Variants in ZNF107 observed in about 807,000 individuals in gnomAD.
ZNF107 encodes C2H2 type zinc-finger protein.
A neutral mutation model predicts 12.3 loss-of-function variants in ZNF107; 19 were observed. The ratio of observed to expected loss-of-function variants is 1.55; its 90% CI spans 1.08 to 2.27. ZNF107 has a LOEUF of 2.27. ZNF107 is among the 30% of genes most tolerant of loss of function. The probability of loss-of-function intolerance (pLI) is 0.00; values close to 1 mark genes in which losing one functional copy is unlikely to be tolerated. For synonymous variants in ZNF107, 317 were observed against 330.5 expected, an observed-to-expected ratio of 0.96 and a Z score of 0.44; for missense variants, 958 against 979.9, an observed-to-expected ratio of 0.98 and a Z score of 0.30.
At chr7:64,667,951 CAA>C (rs56005729) in intron 1 of ZNF107, among the ~76,000 whole-genome samples, 2 of 138,884 alleles carry the variant, frequency 1.4e-5, no homozygotes, top group Admixed American at 7.1e-5. Flanking sequence ...TTCCAGAAGA[CAA>C]AAAAAAAAAA....
chr7:64,676,424 C>A (rs1325671846), intron 1 of ZNF107, among the ~76,000 whole-genome samples: 2 of 152,158 alleles, frequency 1.3e-5, no homozygotes. Flanking sequence ...GTCCTGATAT[C>A]TTTGTTAATT....
chr7:64,669,949 G>C (rs1235238659), intron 1 of ZNF107, among the ~76,000 whole-genome samples: 1 of 152,156 alleles, frequency 6.6e-6, no homozygotes, highest in African/African-American at 2.4e-5. Context: ...CCTGCAAAGG[G>C]AAGGGAGGTT....
rs1207981110 is a variant in ZNF107 at position 64,708,166 on chromosome 7, C to G, written c.2069C>G (p.Ser690Ter). 1.2e-6 allele frequency: 2 copies of G among 1,611,456 alleles called. No homozygotes were observed. Among genetic ancestry groups the G allele is most frequent in the East Asian group, 2.2e-5 (1 of 44,828 alleles). ...TGTGGAAAAGCTTATAACCGATTCTCAAACCTAACTATACATAAGAGAATT... is the reference window on the plus strand; with the variant it reads ...TGTGGAAAAGCTTATAACCGATTCTGAAACCTAACTATACATAAGAGAATT... The part of the protein sequence containing the change: ...EECGKAYNRF[S>*]NLTIHKRIHT... The change falls in exon 4 of 4, where the codon TCA becomes TGA. Residue 690 changes from serine to a stop codon, truncating the protein, a stop_gained. Transcript: ENST00000620827. LOFTEE classifies it low-confidence loss of function (END_TRUNC).
intron 3 of ZNF107, among the ~76,000 whole-genome samples, chr7:64,692,365 G>A (rs890701581): frequency 1.3e-5 from 2 of 151,946 alleles, no homozygotes; most frequent in African/African-American, 4.8e-5. Context: ...GTTCCATTGG[G>A]TTTTCTTTTA....
intron 1 of ZNF107, among the ~76,000 whole-genome samples, chr7:64,671,862 A>G (rs1398318270): frequency 6.7e-6 from 1 of 148,744 alleles, no homozygotes; most frequent in East Asian, 2.0e-4. Flanking sequence ...GCTCACTGCA[A>G]GCTCTGCCTC....
Position 64,707,232 on chromosome 7 carries a change from A to T in ZNF107, c.1135A>T (p.Asn379Tyr). ...NKCEECDKAFNRSLKLTAHKK... is the reference protein window; with the variant it reads ...NKCEECDKAFYRSLKLTAHKK... ...ATGTGAAGAATGTGACAAAGCTTTT[A>T]ACCGATCCTTAAAACTTACTGCACA... is the stretch of plus-strand genomic sequence containing the variant. The change falls in exon 4 of 4, where the codon AAC (asparagine) becomes TAC (tyrosine). Residue 379 changes from asparagine to tyrosine, a missense_variant. Physicochemically the swap from Asn to Tyr is moderately radical, Grantham distance 143. Coordinates refer to ENST00000620827, the MANE Select transcript of ZNF107 (RefSeq NM_001282359.2). 6.2e-7 allele frequency: 1 copy of T among 1,613,402 alleles called. No individual in the cohort carries two copies. The highest frequency in any genetic ancestry group is 8.5e-7 in the Non-Finnish European group (1 of 1,179,724).
At chr7:64,698,467 G>T (rs1790366977) in intron 3 of ZNF107, among the ~76,000 whole-genome samples, 1 of 151,620 alleles carries the variant, frequency 6.6e-6, no homozygotes, top group South Asian at 2.1e-4. Flanking sequence ...TTGTTGCCCA[G>T]GCTAGAGTGC....
Position 64,708,628 on chromosome 7 carries a change from C to A in ZNF107, c.2531C>A (p.Pro844His), listed in dbSNP as rs1361356165. The A allele has an allele frequency of 1.3e-6, 2 of 1,589,444 alleles. No homozygotes were observed. The highest frequency in any genetic ancestry group is 1.7e-6 in the Non-Finnish European group (2 of 1,167,194). The change falls in exon 4 of 4, where the codon CCC (proline) becomes CAC (histidine). Residue 844 changes from proline (P) to histidine (H), a missense_variant. Transcript: ENST00000620827. ...AAGAAAATTCATACTGGAGAGAAAC[C>A]CTACAAATGTGAGTATGGCAAAACT... ...THKKIHTGEK[P>H]YKCEYGKT
intron 1 of ZNF107, among the ~76,000 whole-genome samples, chr7:64,684,126 C>T (rs991543560): frequency 6.6e-6 from 1 of 152,154 alleles, no homozygotes; most frequent in African/African-American, 2.4e-5. Flanking sequence ...AAAACTCACC[C>T]TCCAACTCCG....
At chr7:64,679,478 G>C (rs1156395503) in intron 1 of ZNF107, 1 of 587,158 alleles carries the variant, frequency 1.7e-6, no homozygotes, top group African/African-American at 2.0e-5. Context: ...CAACCACAGG[G>C]ACATGTGCCT....
chr7:64,691,231 G>A lies in ZNF107; in HGVS notation c.4-17G>A. The A allele has an allele frequency of 6.8e-7, 1 of 1,462,416 alleles. No individual in the cohort carries two copies. Among genetic ancestry groups the A allele is most frequent in the Non-Finnish European group, 9.1e-7 (1 of 1,104,702 alleles). 90.6% of individuals were successfully genotyped at this position (1,462,416 alleles called of 1,614,324 possible). A position where few individuals can be genotyped will look rare whatever the true frequency, so the allele number is the denominator to read the frequency against. On this transcript the variant is annotated splice_polypyrimidine_tract_variant and intron_variant, in intron 1 of 3. Transcript: ENST00000620827. The stretch of plus-strand genomic sequence containing the variant: ...TTATGGCTGCTTGGTAAATGTGTGT[G>A]TGTTTGTGTTTTTCAGGAACCACTG...
At chr7:64,698,006 G>A (rs900658140) in intron 3 of ZNF107, among the ~76,000 whole-genome samples, 1 of 152,060 alleles carries the variant, frequency 6.6e-6, no homozygotes. Context: ...TTAAAACAAT[G>A]GCTGCATTCT....
At chr7:64,666,360 G>T in intron 1 of ZNF107, 75 bp downstream of exon 1, 1 of 1,569,464 alleles carries the variant, frequency 6.4e-7, no homozygotes, top group Non-Finnish European at 8.7e-7. Context: ...GCTGTGGCTG[G>T]ACTCGGGCCT....
chr7:64,693,127 T>TAGC (rs1175089582), intron 3 of ZNF107, among the ~76,000 whole-genome samples: 1 of 151,182 alleles, frequency 6.6e-6, no homozygotes, highest in African/African-American at 2.4e-5. Context: ...GCCTCCTGAG[T>TAGC]AGCTGGGACT....
chr7:64,704,187 G>A (rs914564944), intron 3 of ZNF107, among the ~76,000 whole-genome samples: 6 of 151,922 alleles, frequency 3.9e-5, no homozygotes, highest in Middle Eastern at 3.4e-3. Context: ...TGCTTTATGC[G>A]CCATTATGAT....
intron 3 of ZNF107, 47 bp from the exon 4 acceptor site, chr7:64,706,277 A>G: frequency 6.8e-7 from 1 of 1,462,096 alleles, no homozygotes; most frequent in Non-Finnish European, 9.1e-7. Flanking sequence ...AAGTACATTT[A>G]TCTGAGTCTA....
chr7:64,704,720 G>T (rs1380787309), intron 3 of ZNF107, among the ~76,000 whole-genome samples: 1 of 152,116 alleles, frequency 6.6e-6, no homozygotes, highest in African/African-American at 2.4e-5. Flanking sequence ...TTGTTGCCCA[G>T]GCTGGAGTGT....
chr7:64,686,828 C>T (rs1008120838), intron 1 of ZNF107: 36 of 935,802 alleles, frequency 3.8e-5, no homozygotes, highest in Non-Finnish European at 4.3e-5. Flanking sequence ...TCCGGGCTGA[C>T]TCCCTTTTCC....
intron 1 of ZNF107, among the ~76,000 whole-genome samples, chr7:64,675,891 C>T (rs1789397842): frequency 6.6e-6 from 1 of 152,164 alleles, no homozygotes; most frequent in African/African-American, 2.4e-5. Context: ...CTCACTCTGT[C>T]ACCCAGTCTG....
Sources: allele counts gnomAD v4.1 joint callset (sites outside exome capture counted in the v4.1 genomes callset), GRCh38; gene constraint gnomAD v4.1.1; transcripts MANE v1.5; gene names NCBI Gene and HGNC (gene_info 2026-07-23, HGNC 2026-07-21).